The following AFG2A variants were observed in gnomAD, a reference collection of about 807,000 sequenced individuals.
The protein encoded by AFG2A is ATPase family gene 2 protein homolog A.
the AFG2A span, among the ~76,000 whole-genome samples, chr4:123,030,108 T>C: frequency 6.6e-6 from 1 of 152,216 alleles, no homozygotes; most frequent in African/African-American, 2.4e-5. Context: ...TCTTACCTTG[T>C]ATATTCTACA....
chr4:123,193,296 G>A, the AFG2A span, among the ~76,000 whole-genome samples: 3 of 152,152 alleles, frequency 2.0e-5, no homozygotes, highest in Admixed American at 6.6e-5. Context: ...CCAGATTTGA[G>A]TACACTCAGA....
the AFG2A span, among the ~76,000 whole-genome samples, chr4:122,929,510 A>T: frequency 6.6e-6 from 1 of 152,272 alleles, no homozygotes; most frequent in Non-Finnish European, 1.5e-5. Flanking sequence ...CCTGAGCAAC[A>T]TGGCAAAACC....
the AFG2A span, among the ~76,000 whole-genome samples, chr4:123,141,487 C>CA: frequency 6.6e-6 from 1 of 151,932 alleles, no homozygotes; most frequent in African/African-American, 2.4e-5. Flanking sequence ...AACAAACAAA[C>CA]AAAAAAACAG....
chr4:123,198,754 T>C, the AFG2A span, among the ~76,000 whole-genome samples: 1 of 152,184 alleles, frequency 6.6e-6, no homozygotes, highest in Non-Finnish European at 1.5e-5. Context: ...TGACCTGAAA[T>C]TACCTTTGCT....
the AFG2A span, among the ~76,000 whole-genome samples, chr4:122,993,301 A>T: frequency 3.3e-5 from 5 of 152,016 alleles, no homozygotes; most frequent in Admixed American, 6.6e-5. Flanking sequence ...CCGTCTTTGT[A>T]TATTTTAATG....
chr4:123,194,638 T>G, the AFG2A span, among the ~76,000 whole-genome samples: 1 of 152,204 alleles, frequency 6.6e-6, no homozygotes, highest in East Asian at 1.9e-4. Context: ...CAAAAAGATT[T>G]AAAGGAAATA....
At chr4:123,012,894 G>A in the AFG2A span, among the ~76,000 whole-genome samples, 2 of 152,104 alleles carry the variant, frequency 1.3e-5, no homozygotes, top group African/African-American at 4.8e-5. Flanking sequence ...AAGAGCAGGA[G>A]AATAGCGGAC....
chr4:123,089,122 A>G, the AFG2A span, among the ~76,000 whole-genome samples: 1 of 152,140 alleles, frequency 6.6e-6, no homozygotes, highest in African/African-American at 2.4e-5. Flanking sequence ...TTGTATGACA[A>G]CCTCATGTGC....
At chr4:122,951,191 T>C in the AFG2A span, among the ~76,000 whole-genome samples, 1 of 152,188 alleles carries the variant, frequency 6.6e-6, no homozygotes, top group Non-Finnish European at 1.5e-5. Flanking sequence ...GACCTGCTAC[T>C]GTCTAGTCCT....
At chr4:122,946,977 G>A in the AFG2A span, among the ~76,000 whole-genome samples, 1 of 151,998 alleles carries the variant, frequency 6.6e-6, no homozygotes, top group Non-Finnish European at 1.5e-5. Flanking sequence ...TAGATGGAGA[G>A]GTGAGTATTG....
chr4:122,989,179 G>A, the AFG2A span, among the ~76,000 whole-genome samples: 1 of 152,126 alleles, frequency 6.6e-6, no homozygotes, highest in African/African-American at 2.4e-5. Context: ...AGTGATTTTT[G>A]TGGACTTGTG....
chr4:123,056,254 T>G, the AFG2A span: 2 of 757,732 alleles, frequency 2.6e-6, no homozygotes, highest in East Asian at 3.2e-5. Flanking sequence ...ACAGAGAAAA[T>G]AAGCATGCTA....
chr4:123,224,700 A>G, the AFG2A span, among the ~76,000 whole-genome samples: 1,168 of 152,210 alleles, frequency 7.7e-3, 10 homozygotes, highest in African/African-American at 0.026. Context: ...TAGCAGCATG[A>G]TTTATAATCA....
the AFG2A span, among the ~76,000 whole-genome samples, chr4:123,252,342 A>G: frequency 6.6e-6 from 1 of 152,196 alleles, no homozygotes; most frequent in Non-Finnish European, 1.5e-5. Flanking sequence ...ACAAAACAAA[A>G]CAAACAAAAA....
chr4:123,170,382 CT>C, the AFG2A span, among the ~76,000 whole-genome samples: 2 of 152,120 alleles, frequency 1.3e-5, no homozygotes, highest in Admixed American at 6.6e-5. Flanking sequence ...TTCTATACCC[CT>C]ATCGTCATTG....
the AFG2A span, chr4:123,314,077 A>G: frequency 1.4e-6 from 2 of 1,477,584 alleles, no homozygotes; most frequent in Non-Finnish European, 1.8e-6. Flanking sequence ...AAATATATAT[A>G]TTCAAGATGC....
chr4:123,230,660 T>C, the AFG2A span, among the ~76,000 whole-genome samples: 1 of 152,016 alleles, frequency 6.6e-6, no homozygotes, highest in South Asian at 2.1e-4. Context: ...TAGTGAATCC[T>C]TTCCAGAAAG....
chr4:122,965,729 A>G, the AFG2A span, among the ~76,000 whole-genome samples: 1 of 152,168 alleles, frequency 6.6e-6, no homozygotes, highest in Middle Eastern at 3.4e-3. Flanking sequence ...CTTACTTTCA[A>G]CCATATTCCT....
At chr4:122,960,422 A>G in the AFG2A span, among the ~76,000 whole-genome samples, 1 of 152,228 alleles carries the variant, frequency 6.6e-6, no homozygotes, top group Admixed American at 6.5e-5. Context: ...TTTATTATAA[A>G]CTTATCCTTC....
Sources: gnomAD v4.1 joint callset for allele counts (sites outside exome capture counted in the v4.1 genomes callset) on GRCh38, gnomAD v4.1.1 for gene constraint, MANE v1.5 for transcripts, NCBI Gene and HGNC (gene_info 2026-07-23, HGNC 2026-07-21) for gene names.